Variants in RAB31 observed in about 807,000 individuals in gnomAD.
RAB31 encodes RAB31, member RAS oncogene family.
Under a neutral mutation model 25.6 loss-of-function variants are expected in RAB31, and 21 were observed. The ratio of observed to expected loss-of-function variants is 0.82; its 90% CI spans 0.58 to 1.18. The LOEUF (loss-of-function observed/expected upper bound fraction) is 1.18. Among genes scored for constraint, RAB31 ranks in the 50% most tolerant of loss-of-function variants. The pLI is 0.00. For synonymous variants in RAB31, 87 were observed against 84.0 expected, an observed-to-expected ratio of 1.04 and a Z score of -0.20; for missense variants, 196 against 250.1, an observed-to-expected ratio of 0.78 and a Z score of 1.46.
At chr18:9,818,347 G>T (rs1351235266) in intron 5 of RAB31, among the ~76,000 whole-genome samples, 1 of 152,134 alleles carries the variant, frequency 6.6e-6, no homozygotes, top group Non-Finnish European at 1.5e-5. Flanking sequence ...TGTGAAGAAC[G>T]TCATGCCCAT....
chr18:9,776,399 A>C (rs2068372390), intron 2 of RAB31, among the ~76,000 whole-genome samples: 1 of 152,206 alleles, frequency 6.6e-6, no homozygotes, highest in African/African-American at 2.4e-5. Context: ...GTGTATCAGA[A>C]GTGGAGAAAA....
chr18:9,762,381 G>T (rs2068293719), intron 1 of RAB31, among the ~76,000 whole-genome samples: 1 of 152,204 alleles, frequency 6.6e-6, no homozygotes, highest in Non-Finnish European at 1.5e-5. Context: ...GTGGTGCCTT[G>T]CTTGGTAAGC....
chr18:9,792,139 A>T lies in RAB31; in HGVS notation c.120-15A>T. ...ACAATGCAGTAATGTGGAGATGCTG[A>T]CTCTCTTTTTTCAGGGCATCTTTTA... is the stretch of plus-strand genomic sequence containing the variant. On this transcript the variant is annotated splice_polypyrimidine_tract_variant and intron_variant, in intron 2 of 6. Transcript: ENST00000578921. 1 of 1,603,424 alleles carries T rather than the reference A, an allele frequency of 6.2e-7. No individual in the cohort carries two copies. Among genetic ancestry groups the T allele is most frequent in the East Asian group, 2.2e-5 (1 of 44,690 alleles).
intron 5 of RAB31, chr18:9,830,308 C>G (rs892406983): frequency 2.0e-5 from 3 of 152,048 alleles, no homozygotes; most frequent in Admixed American, 6.6e-5. Context: ...ACACCGCACC[C>G]AGTTCTTTTT....
chr18:9,812,542 G>A (rs1385357760), intron 3 of RAB31, among the ~76,000 whole-genome samples: 1 of 151,856 alleles, frequency 6.6e-6, no homozygotes, highest in African/African-American at 2.4e-5. Context: ...ATTTTTATTG[G>A]TGTTCTTCCG....
intron 6 of RAB31, among the ~76,000 whole-genome samples, chr18:9,850,209 T>C (rs560108330): frequency 1.3e-5 from 2 of 152,216 alleles, no homozygotes; most frequent in Non-Finnish European, 2.9e-5. Flanking sequence ...TAGGAACAAG[T>C]GATCTGGGCT....
intron 1 of RAB31, among the ~76,000 whole-genome samples, chr18:9,728,616 C>T (rs2068106595): frequency 6.6e-6 from 1 of 152,198 alleles, no homozygotes; most frequent in South Asian, 2.1e-4. Context: ...TGGCTCACTA[C>T]AACCTCTGCC....
chr18:9,798,098 C>T (rs891328554), intron 3 of RAB31, among the ~76,000 whole-genome samples: 1 of 152,192 alleles, frequency 6.6e-6, no homozygotes, highest in African/African-American at 2.4e-5. Flanking sequence ...ATTATACATG[C>T]AAGGCATGAC....
intron 3 of RAB31, among the ~76,000 whole-genome samples, chr18:9,806,571 C>T (rs1488184836): frequency 6.6e-6 from 1 of 151,896 alleles, no homozygotes; most frequent in Admixed American, 6.6e-5. Flanking sequence ...AAGAAGGGAC[C>T]AGGGCGGGCC....
intron 2 of RAB31, among the ~76,000 whole-genome samples, chr18:9,782,190 A>G (rs762371348): frequency 2.6e-5 from 4 of 152,148 alleles, no homozygotes; most frequent in Admixed American, 6.5e-5. Flanking sequence ...TCACTCATTT[A>G]TATGTCCTGC....
At chr18:9,719,991 T>C (rs1382136701) in intron 1 of RAB31, among the ~76,000 whole-genome samples, 1 of 149,448 alleles carries the variant, frequency 6.7e-6, no homozygotes, top group Non-Finnish European at 1.5e-5. Context: ...TTAGATGGAG[T>C]CTTGCTCTGT....
At chr18:9,858,342 T>G (rs2068829711) in intron 6 of RAB31, among the ~76,000 whole-genome samples, 1 of 152,172 alleles carries the variant, frequency 6.6e-6, no homozygotes, top group Non-Finnish European at 1.5e-5. Context: ...GCTACTAAGG[T>G]TATTTCCAGA....
chr18:9,724,967 C>T (rs1275837999), intron 1 of RAB31, among the ~76,000 whole-genome samples: 1 of 152,180 alleles, frequency 6.6e-6, no homozygotes, highest in African/African-American at 2.4e-5. Flanking sequence ...GGCTTTGTTG[C>T]TTACCTGTCT....
At chr18:9,724,616 G>T (rs1024730340) in intron 1 of RAB31, among the ~76,000 whole-genome samples, 4 of 152,170 alleles carry the variant, frequency 2.6e-5, no homozygotes, top group Admixed American at 2.6e-4. Flanking sequence ...TGTGAATCTC[G>T]GCAACATCAG....
chr18:9,844,832 AGTTTTGTTTTGTTTT>A (rs10526414), intron 5 of RAB31: 5,150 of 149,406 alleles, frequency 0.034, 292 homozygotes, highest in African/African-American at 0.12. Context: ...CGTTCAGGTG[AGTTTTGTTTTGTTTT>A]GTTTTGTTTT....
chr18:9,795,919 A>G (rs1366993609), intron 3 of RAB31, among the ~76,000 whole-genome samples: 1 of 152,220 alleles, frequency 6.6e-6, no homozygotes, highest in Non-Finnish European at 1.5e-5. Context: ...CAGAAAAGAT[A>G]CTTGCACACG....
chr18:9,812,349 A>G (rs192429329), intron 3 of RAB31, among the ~76,000 whole-genome samples: 1 of 152,288 alleles, frequency 6.6e-6, no homozygotes, highest in Admixed American at 6.5e-5. Context: ...ATATTCCTCT[A>G]AGTGGAATTG....
chr18:9,854,181 A>C (rs1328469703), intron 6 of RAB31, among the ~76,000 whole-genome samples: 1 of 151,708 alleles, frequency 6.6e-6, no homozygotes, highest in Admixed American at 6.6e-5. Context: ...CCCTGTGTCC[A>C]TGTGTTCTCA....
At chr18:9,773,661 T>C (rs1202915573) in intron 1 of RAB31, among the ~76,000 whole-genome samples, 1 of 152,174 alleles carries the variant, frequency 6.6e-6, no homozygotes, top group East Asian at 1.9e-4. Flanking sequence ...ATCATATTTT[T>C]AATATATATA....
Sources: gnomAD v4.1 joint callset for allele counts (sites outside exome capture counted in the v4.1 genomes callset) on GRCh38, gnomAD v4.1.1 for gene constraint, MANE v1.5 for transcripts, NCBI Gene and HGNC (gene_info 2026-07-23, HGNC 2026-07-21) for gene names.